Variants in AHCYL2 observed in about 807,000 individuals in gnomAD.
AHCYL2 encodes the protein adenosylhomocysteinase like 2.
A neutral mutation model predicts 81.4 loss-of-function variants in AHCYL2; 28 were observed. The observed-to-expected ratio is 0.34, with a 90% CI of 0.25 to 0.47. The LOEUF (loss-of-function observed/expected upper bound fraction) is 0.47, where lower values mean the gene tolerates loss of function less well. Among genes scored for constraint, AHCYL2 ranks in the 20% least tolerant of loss-of-function variants. The probability of loss-of-function intolerance (pLI) is 1.00; values close to 1 mark genes in which losing one functional copy is unlikely to be tolerated. For missense variants in AHCYL2, 551 were observed against 785.1 expected (o/e 0.70, Z 3.56); for synonymous variants, 272 against 290.2 (o/e 0.94, Z 0.64).
chr7:129,281,148 C>A (rs1310114860), intron 1 of AHCYL2, among the ~76,000 whole-genome samples: 1 of 152,162 alleles, frequency 6.6e-6, no homozygotes, highest in Non-Finnish European at 1.5e-5. Flanking sequence ...CAGGCATGAG[C>A]CACCACACCC....
chr7:129,251,274 G>T (rs1323189853), intron 1 of AHCYL2, among the ~76,000 whole-genome samples: 1 of 147,496 alleles, frequency 6.8e-6, no homozygotes, highest in East Asian at 2.0e-4. Flanking sequence ...TAGACCATGT[G>T]TGTCTTGTTC....
At chr7:129,342,941 T>G (rs1401800222) in intron 1 of AHCYL2, among the ~76,000 whole-genome samples, 2 of 152,190 alleles carry the variant, frequency 1.3e-5, no homozygotes, top group African/African-American at 4.8e-5. Context: ...ACAATTTCAT[T>G]TACATCTTTT....
chr7:129,413,447 G>A, intron 11 of AHCYL2, 147 bp from the exon 12 acceptor site: 1 of 698,662 alleles, frequency 1.4e-6, no homozygotes, highest in Non-Finnish European at 2.4e-6. Flanking sequence ...GGCCTGGCCT[G>A]CTTATTTTTA....
intron 1 of AHCYL2, among the ~76,000 whole-genome samples, chr7:129,330,217 C>A (rs2071445732): frequency 6.6e-6 from 1 of 152,136 alleles, no homozygotes; most frequent in Non-Finnish European, 1.5e-5. Context: ...GGGCTGGTTT[C>A]AAATTCCTGG....
intron 1 of AHCYL2, among the ~76,000 whole-genome samples, chr7:129,273,299 A>G (rs1229466306): frequency 6.7e-6 from 1 of 148,264 alleles, no homozygotes; most frequent in African/African-American, 2.5e-5. Context: ...CAGTGATGCA[A>G]CTGTAAATCC....
chr7:129,298,662 T>G (rs768544651), intron 1 of AHCYL2, among the ~76,000 whole-genome samples: 4 of 152,234 alleles, frequency 2.6e-5, no homozygotes, highest in African/African-American at 7.2e-5. Flanking sequence ...ACGTAAGGCC[T>G]TACAAGAACC....
At chr7:129,325,662 G>A (rs1798195993) in intron 1 of AHCYL2, among the ~76,000 whole-genome samples, 1 of 150,446 alleles carries the variant, frequency 6.6e-6, no homozygotes, top group Admixed American at 6.6e-5. Flanking sequence ...AATTAGACCA[G>A]TTGAAGTTGC....
At chr7:129,304,954 C>T (rs1797381053) in intron 1 of AHCYL2, among the ~76,000 whole-genome samples, 1 of 150,916 alleles carries the variant, frequency 6.6e-6, no homozygotes, top group South Asian at 2.1e-4. Context: ...TTGGTCTTCT[C>T]TTTCTTCTTT....
intron 1 of AHCYL2, among the ~76,000 whole-genome samples, chr7:129,363,957 A>G (rs1264037755): frequency 6.6e-6 from 1 of 151,808 alleles, no homozygotes; most frequent in African/African-American, 2.4e-5. Flanking sequence ...TAGGCTGGGC[A>G]CGGTGGCTCA....
intron 1 of AHCYL2, among the ~76,000 whole-genome samples, chr7:129,242,594 G>A (rs756224390): frequency 3.3e-5 from 5 of 152,036 alleles, no homozygotes; most frequent in Non-Finnish European, 7.4e-5. Flanking sequence ...GTGTGCGCCT[G>A]TAATCCTAGC....
At chr7:129,382,767 G>A (rs1795022474) in intron 2 of AHCYL2, among the ~76,000 whole-genome samples, 1 of 152,040 alleles carries the variant, frequency 6.6e-6, no homozygotes, top group Non-Finnish European at 1.5e-5. Context: ...TTAGCCAGGT[G>A]TGGTGGCACA....
At chr7:129,379,279 CAA>C (rs200168015) in intron 1 of AHCYL2, among the ~76,000 whole-genome samples, 17 of 68,288 alleles carry the variant, frequency 2.5e-4, no homozygotes, top group Admixed American at 6.2e-4. Flanking sequence ...AAGTCCATCT[CAA>C]AAAAAAAAAA....
At chr7:129,358,676 T>C in intron 1 of AHCYL2, among the ~76,000 whole-genome samples, 1 of 152,206 alleles carries the variant, frequency 6.6e-6, no homozygotes, top group East Asian at 1.9e-4. Flanking sequence ...ATGGTGGTGA[T>C]GGTTGCACAA....
intron 1 of AHCYL2, among the ~76,000 whole-genome samples, chr7:129,335,474 A>G (rs1409741877): frequency 1.3e-5 from 2 of 152,168 alleles, no homozygotes; most frequent in African/African-American, 4.8e-5. Context: ...TTGCATAGCA[A>G]ATTATTCCCA....
intron 12 of AHCYL2, among the ~76,000 whole-genome samples, chr7:129,414,842 C>T (rs958610437): frequency 6.6e-6 from 1 of 152,160 alleles, no homozygotes; most frequent in Admixed American, 6.5e-5. Context: ...CTGGCTTAAG[C>T]AAAGTATGCT....
intron 1 of AHCYL2, among the ~76,000 whole-genome samples, chr7:129,241,280 C>T (rs1176354722): frequency 6.6e-6 from 1 of 152,200 alleles, no homozygotes; most frequent in Non-Finnish European, 1.5e-5. Context: ...ATATGTATTC[C>T]TTTGACTAAA....
chr7:129,351,323 A>C (rs1793556339), intron 1 of AHCYL2, among the ~76,000 whole-genome samples: 1 of 152,196 alleles, frequency 6.6e-6, no homozygotes, highest in Non-Finnish European at 1.5e-5. Flanking sequence ...ATAATAAGCC[A>C]AAAACACTTT....
At chr7:129,252,758 C>A (rs140311628) in intron 1 of AHCYL2, among the ~76,000 whole-genome samples, 339 of 151,968 alleles carry the variant, frequency 2.2e-3, no homozygotes, top group African/African-American at 7.6e-3. Context: ...CAAAGCAAGA[C>A]CTTGTCTCTG....
chr7:129,250,612 A>G (rs1339810072), intron 1 of AHCYL2, among the ~76,000 whole-genome samples: 1 of 152,156 alleles, frequency 6.6e-6, no homozygotes, highest in African/African-American at 2.4e-5. Flanking sequence ...CTTGTTTCCG[A>G]TTTTAGAGGA....
Sources: allele counts gnomAD v4.1 joint callset (sites outside exome capture counted in the v4.1 genomes callset), GRCh38; gene constraint gnomAD v4.1.1; transcripts MANE v1.5; gene names NCBI Gene and HGNC (gene_info 2026-07-23, HGNC 2026-07-21).